Variants in ING5 observed in about 807,000 individuals in gnomAD.
The protein encoded by ING5 is inhibitor of growth protein 5.
Under a neutral mutation model 37.4 loss-of-function variants are expected in ING5, and 17 were observed. That is an observed-to-expected ratio of 0.45 (90% CI 0.31 to 0.68). The LOEUF (loss-of-function observed/expected upper bound fraction) is 0.68, where lower values mean the gene tolerates loss of function less well. Among genes scored for constraint, ING5 ranks in the 30% least tolerant of loss-of-function variants. ING5 has a pLI of 0.05. For missense variants in ING5, 233 were observed against 311.9 expected (o/e 0.75, Z 1.91); for synonymous variants, 123 against 116.6 (o/e 1.06, Z -0.36).
chr2:241,728,478 T>G lies in ING5; in HGVS notation c.*3447T>G, dbSNP rs62191961. The G allele has an allele frequency of 0.36, 54,693 of 152,516 alleles. 10,132 individuals carry two copies. Among genetic ancestry groups the G allele is most frequent in the South Asian group, 0.49 (2,339 of 4,822 alleles). The allele number at this position is 152,516 out of a possible 1,614,324, so 9.4% of individuals were successfully genotyped here. ...TTGACCTCGATGGGAAGGAGCGTTC[T>G]ACCCATTTTCCTTGTTTTCAGTGCT... On this transcript the variant is annotated 3_prime_UTR_variant, in exon 8 of 8. Transcript: ENST00000313552.
chr2:241,698,652 AT>A (rs1299049979), upstream of ING5, among the ~76,000 whole-genome samples: 2 of 152,246 alleles, frequency 1.3e-5, no homozygotes, highest in East Asian at 3.9e-4. Flanking sequence ...AACTGCTAAC[AT>A]TAGGACTGAA....
chr2:241,697,144 G>C (rs978640990), upstream of ING5, among the ~76,000 whole-genome samples: 1 of 150,424 alleles, frequency 6.6e-6, no homozygotes, highest in Non-Finnish European at 1.5e-5. Context: ...TCTTTAATAA[G>C]TACATGGGTG....
At chr2:241,702,382 G>T (rs1201728780) in intron 1 of ING5, among the ~76,000 whole-genome samples, 1 of 149,086 alleles carries the variant, frequency 6.7e-6, no homozygotes, top group Non-Finnish European at 1.5e-5. Context: ...TTGCGGCCTC[G>T]ACCCCGCCCA....
At chr2:241,722,671 C>T (rs908206296) in intron 5 of ING5, 28 of 985,292 alleles carry the variant, frequency 2.8e-5, no homozygotes, top group South Asian at 9.4e-5. Flanking sequence ...AGGAAGAAAA[C>T]GTCCACAAGG....
intron 3 of ING5, among the ~76,000 whole-genome samples, chr2:241,710,467 C>A (rs1003863280): frequency 6.6e-6 from 1 of 151,310 alleles, no homozygotes; most frequent in African/African-American, 2.4e-5. Context: ...TACCAACAGG[C>A]TAATTTTTGT....
Position 241,690,681 on chromosome 2 carries a change from T to C in ING5, c.43+28T>C, listed in dbSNP as rs534319294. 1.3e-5 allele frequency: 5 copies of C among 398,572 alleles called. No individual in the cohort carries two copies. In the South Asian group the frequency reaches 6.4e-4, roughly 51 times the overall value. The allele number at this position is 398,572 out of a possible 1,614,324, so 24.7% of individuals were successfully genotyped here. On this transcript the variant is annotated intron_variant, in intron 2 of 7. Transcript: ENST00000636051. ...GAGTACATCCACTTTATAGGGGAAA[T>C]GGTGGGATGCTGGGTCTGTGTGGTC...
At chr2:241,715,582 A>G (rs1384354379) in intron 5 of ING5, among the ~76,000 whole-genome samples, 6 of 146,026 alleles carry the variant, frequency 4.1e-5, no homozygotes, top group Non-Finnish European at 8.9e-5. Flanking sequence ...TCCCAGGTTC[A>G]AGCAATTCTC....
upstream of ING5, among the ~76,000 whole-genome samples, chr2:241,701,120 AT>A (rs529886209): frequency 6.7e-3 from 907 of 136,376 alleles, 3 homozygotes; most frequent in African/African-American, 0.018. Context: ...CGCTTGGCTA[AT>A]TTTTTTTTTT....
chr2:241,688,147 T>A (rs1218400396), intron 1 of ING5: 1 of 152,226 alleles, frequency 6.6e-6, no homozygotes, highest in East Asian at 1.9e-4. Context: ...CATCACTTTC[T>A]CTGCTTAGCA....
rs1648628526 is a variant in ING5, at chr2:241,729,350, C to T, written c.*4319C>T. On this transcript the variant is annotated 3_prime_UTR_variant, in exon 8 of 8. Coordinates refer to ENST00000313552, the MANE Select transcript of ING5 (RefSeq NM_032329.6). The stretch of plus-strand genomic sequence containing the variant: ...TTTCAAGGAATTATTATCTATGTTC[C>T]CTTTGTAAAGGAAAGATAATGTTGT... 6.6e-6 allele frequency: 1 copy of T among 152,410 alleles called. No homozygotes were observed. Among genetic ancestry groups the T allele is most frequent in the African/African-American group, 2.4e-5 (1 of 41,346 alleles). The allele number at this position is 152,410 out of a possible 1,614,324, so 9.4% of individuals were successfully genotyped here.
chr2:241,720,033 C>G lies in ING5; in HGVS notation c.483-2906C>G, dbSNP rs970371498. ...TCGAGACAGGCTGGTAAGGCCAGCTCTGAAGCTGGGCTCTGACGTCCAAGG... is the reference window on the plus strand; with the variant it reads ...TCGAGACAGGCTGGTAAGGCCAGCTGTGAAGCTGGGCTCTGACGTCCAAGG... On this transcript the variant is annotated intron_variant, in intron 5 of 7. Transcript: ENST00000313552. 2.4e-6 allele frequency: 3 copies of G among 1,242,712 alleles called. No homozygotes were observed. The African/African-American group carries it at 4.6e-5, about 19-fold the overall frequency. The allele number at this position is 1,242,712 out of a possible 1,614,324, so 77.0% of individuals were successfully genotyped here. A position where few individuals can be genotyped will look rare whatever the true frequency, so the allele number is the denominator to read the frequency against.
intron 5 of ING5, chr2:241,719,960 TCTC>T (rs2070387986): frequency 7.8e-7 from 1 of 1,274,250 alleles, no homozygotes; most frequent in African/African-American, 1.5e-5. Context: ...ATCTCTTTCT[TCTC>T]TGTGCCCCCA....
At position 241,729,168 on chromosome 2, in the gene ING5, G is replaced by T. The variant is rs1691730855; in HGVS notation, c.*4137G>T. ...TGGCCTTCAATACTTGTGCTGAGAG[G>T]AATTTTAAGCCAGGGGAAGTGTAAG... On this transcript the variant is annotated 3_prime_UTR_variant, in exon 8 of 8. Coordinates refer to ENST00000313552, the MANE Select transcript of ING5 (RefSeq NM_032329.6). The T allele has an allele frequency of 6.6e-6, 1 of 152,648 alleles. No individual in the cohort carries two copies. The highest frequency in any genetic ancestry group is 2.1e-4 in the South Asian group (1 of 4,834). The allele number at this position is 152,648 out of a possible 1,614,324, so 9.5% of individuals were successfully genotyped here.
At chr2:241,714,804 C>G (rs2070218001) in intron 5 of ING5, among the ~76,000 whole-genome samples, 1 of 152,086 alleles carries the variant, frequency 6.6e-6, no homozygotes, top group Non-Finnish European at 1.5e-5. Flanking sequence ...TCATGTTGCC[C>G]AGGCTGGTCT....
chr2:241,720,151 C>G (rs2124944118), intron 5 of ING5: 2 of 1,236,942 alleles, frequency 1.6e-6, no homozygotes, highest in East Asian at 3.1e-5. Context: ...CAAAGCCTGG[C>G]CTGCCGGGGC....
chr2:241,708,227 A>T (rs1483768577), intron 2 of ING5, among the ~76,000 whole-genome samples: 2 of 139,752 alleles, frequency 1.4e-5, no homozygotes, highest in African/African-American at 5.4e-5. Context: ...TTTTTTTTTG[A>T]GATGGAGTCT....
rs756241012 is a variant in ING5, at chr2:241,721,457, C to T, written c.483-1482C>T. 5.1e-5 allele frequency: 50 copies of T among 985,354 alleles called. 1 individual carries two copies. Among genetic ancestry groups the T allele is most frequent in the Middle Eastern group, 5.2e-4 (1 of 1,938 alleles). The allele number at this position is 985,354 out of a possible 1,614,324, so 61.0% of individuals were successfully genotyped here. On this transcript the variant is annotated intron_variant, in intron 5 of 7. Transcript: ENST00000313552. ...TGGGCGCCCCTGTGCCAGAGGGCAG[C>T]GGGGAGGCCGGGTGCATGCTGAGCC...
intron 3 of ING5, among the ~76,000 whole-genome samples, chr2:241,710,873 A>C (rs992594528): frequency 6.6e-6 from 1 of 152,140 alleles, no homozygotes; most frequent in Admixed American, 6.5e-5. Flanking sequence ...TCGGTCTCCC[A>C]GAGTGCTGGG....
At chr2:241,721,270 A>T (rs929947430) in intron 5 of ING5, 7 of 985,290 alleles carry the variant, frequency 7.1e-6, no homozygotes, top group Non-Finnish European at 7.2e-6. Context: ...CAGAGGAGAG[A>T]CCCGAAGACT....
Sources: allele counts gnomAD v4.1 joint callset (sites outside exome capture counted in the v4.1 genomes callset), GRCh38; gene constraint gnomAD v4.1.1; transcripts MANE v1.5; gene names NCBI Gene and HGNC (gene_info 2026-07-23, HGNC 2026-07-21).